The following BARD1 variants were observed in gnomAD, a reference collection of about 807,000 sequenced individuals.
BARD1 encodes BRCA1-associated RING domain protein 1.
BARD1 carries 73 observed loss-of-function variants against 77.0 expected under a neutral mutation model. The observed-to-expected ratio is 0.95, with a 90% CI of 0.79 to 1.15. The LOEUF (loss-of-function observed/expected upper bound fraction) is 1.15, where lower values mean the gene tolerates loss of function less well. BARD1 is among the 50% of genes most tolerant of loss of function. The pLI, the probability that BARD1 is intolerant of heterozygous loss-of-function variation, is 0.00. For missense variants in BARD1, 993 were observed against 938.8 expected, an observed-to-expected ratio of 1.06 and a Z score of -0.75; for synonymous variants, 384 against 338.0, an observed-to-expected ratio of 1.14 and a Z score of -1.49.
chr2:214,808,727 T>C (rs1696400816), intron 1 of BARD1, among the ~76,000 whole-genome samples: 1 of 152,160 alleles, frequency 6.6e-6, no homozygotes, highest in African/African-American at 2.4e-5. Flanking sequence ...GAAAATGTCT[T>C]TGGACGGAAT....
intron 9 of BARD1, among the ~76,000 whole-genome samples, chr2:214,733,953 G>A (rs1219351519): frequency 2.6e-5 from 4 of 152,072 alleles, no homozygotes; most frequent in Admixed American, 6.5e-5. Context: ...GAGAAGATTC[G>A]TTTTTCAGAT....
rs1692106084 is a variant in BARD1, at chr2:214,726,862, TGAATGAC to T, written c.*1807_*1813del. ...AGGGAGGGGTGATAAACCAAGAAAATGAATGACAAAAACTAAGAGACCTCATAGGTGT... is the reference window on the plus strand; with the variant it reads ...AGGGAGGGGTGATAAACCAAGAAAATAAAAACTAAGAGACCTCATAGGTGT... On this transcript the variant is annotated 3_prime_UTR_variant, in exon 11 of 11. Coordinates refer to ENST00000260947, the MANE Select transcript of BARD1 (RefSeq NM_000465.4). The T allele has an allele frequency of 4.4e-6, 1 of 228,330 alleles. No individual in the cohort carries two copies. The highest frequency in any genetic ancestry group is 1.8e-4 in the South Asian group (1 of 5,468). 14.1% of individuals were successfully genotyped at this position (228,330 alleles called of 1,614,324 possible).
At chr2:214,752,665 T>TAGG in intron 6 of BARD1, 110 bp from the exon 7 acceptor site, 1 of 802,670 alleles carries the variant, frequency 1.2e-6, no homozygotes, top group East Asian at 2.7e-5. Flanking sequence ...TACTCAGAAC[T>TAGG]CATATTAGGC....
At chr2:214,743,528 C>G (rs1559384646) in intron 9 of BARD1, among the ~76,000 whole-genome samples, 1 of 152,182 alleles carries the variant, frequency 6.6e-6, no homozygotes, top group Non-Finnish European at 1.5e-5. Flanking sequence ...ACCGCTATAA[C>G]ATAATACCAA....
chr2:214,758,545 G>T (rs2106053579), intron 6 of BARD1, among the ~76,000 whole-genome samples: 1 of 152,240 alleles, frequency 6.6e-6, no homozygotes, highest in African/African-American at 2.4e-5. Flanking sequence ...TTTACTAAGG[G>T]AAAGTATAGA....
intron 1 of BARD1, among the ~76,000 whole-genome samples, chr2:214,808,508 A>C (rs1160118397): frequency 6.6e-6 from 1 of 152,248 alleles, no homozygotes; most frequent in East Asian, 1.9e-4. Flanking sequence ...AAAGTCCAAA[A>C]AGGATATAAA....
Position 214,726,592 on chromosome 2 carries a change from CA to C in BARD1, c.*2083del, listed in dbSNP as rs754007337. 3.9e-5 allele frequency: 9 copies of C among 229,492 alleles called. No homozygotes were observed. In the South Asian group the frequency reaches 1.6e-3, roughly 42 times the overall value. The allele number at this position is 229,492 out of a possible 1,614,324, so 14.2% of individuals were successfully genotyped here. ...CCAAGTCATGTTGAGCCTCATTCAA[CA>C]GCACAGAATAAGCCAATTTTATACA... On this transcript the variant is annotated 3_prime_UTR_variant, in exon 11 of 11. Transcript: ENST00000260947.
intron 6 of BARD1, 35 bp downstream of exon 6, chr2:214,767,447 C>A (rs2106075944): frequency 6.3e-7 from 1 of 1,594,792 alleles, no homozygotes; most frequent in Non-Finnish European, 8.6e-7. Context: ...AATATAGGTC[C>A]ATTTTAAAAA....
intron 9 of BARD1, among the ~76,000 whole-genome samples, chr2:214,742,140 T>A (rs1323821076): frequency 6.6e-6 from 1 of 152,208 alleles, no homozygotes; most frequent in Non-Finnish European, 1.5e-5. Flanking sequence ...AAGTCATAAA[T>A]CTTTAAAATT....
chr2:214,768,257 C>T (rs572330243), intron 5 of BARD1, among the ~76,000 whole-genome samples: 1 of 151,262 alleles, frequency 6.6e-6, no homozygotes, highest in East Asian at 1.9e-4. Context: ...ATAAACAATG[C>T]TGTATTCTAA....
At chr2:214,767,405 A>G (rs920698464) in intron 6 of BARD1, 77 bp downstream of exon 6, 65 of 1,421,970 alleles carry the variant, frequency 4.6e-5, no homozygotes, top group Non-Finnish European at 5.7e-5. Context: ...TGACTATTTT[A>G]AAGTCTGCTT....
rs1016845338 is a variant in BARD1, at chr2:214,780,865, T to C, written c.1009A>G (p.Arg337Gly). Reference sequence around the variant, plus strand: ...CCACTGGTGCTCAGAATGCTGGTTCTACATCTCTTAGAAATGGGACTGGAA... The same window carrying C: ...CCACTGGTGCTCAGAATGCTGGTTCCACATCTCTTAGAAATGGGACTGGAA... ...RLSSPISKRC[R>G]TSILSTSGDF... Residue 337 changes from arginine (R) to glycine (G), a missense_variant, in exon 4 of 11, where the codon AGA becomes GGA. Coordinates refer to ENST00000260947, the MANE Select transcript of BARD1 (RefSeq NM_000465.4). 5 of 1,614,024 alleles carry C rather than the reference T, an allele frequency of 3.1e-6. No individual in the cohort carries two copies. In the African/African-American group the frequency reaches 4.0e-5, roughly 13 times the overall value.
chr2:214,728,922 A>G lies in BARD1; in HGVS notation c.2088T>C (p.Thr696=). 1 of 1,614,194 alleles carries G rather than the reference A, an allele frequency of 6.2e-7. No homozygotes were observed. Among genetic ancestry groups the G allele is most frequent in the Non-Finnish European group, 8.5e-7 (1 of 1,180,028 alleles). The change falls in exon 11 of 11, where the codon ACT becomes ACC. Residue 696 remains threonine (T), a synonymous_variant. Transcript: ENST00000260947. The part of the protein sequence containing the change: ...HPKDNLIKLV[T]AGGGQILSRK... ...TACTGAGGATCTGGCCCCCACCTGC[A>G]GTGACGAGCTTAATAAGGTTGTCCT...
At chr2:214,779,287 T>C (rs550505596) in intron 4 of BARD1, among the ~76,000 whole-genome samples, 48 of 152,264 alleles carry the variant, frequency 3.2e-4, no homozygotes, top group African/African-American at 1.1e-3. Flanking sequence ...TATTTGCAAA[T>C]AACCTACAGA....
intron 1 of BARD1, among the ~76,000 whole-genome samples, chr2:214,797,405 A>C (rs903181782): frequency 6.6e-6 from 1 of 152,226 alleles, no homozygotes; most frequent in Non-Finnish European, 1.5e-5. Context: ...AAGTATCTCT[A>C]AACCTCTTAA....
intron 4 of BARD1, among the ~76,000 whole-genome samples, chr2:214,771,237 A>T (rs1694470787): frequency 6.6e-6 from 1 of 152,168 alleles, no homozygotes; most frequent in East Asian, 1.9e-4. Flanking sequence ...AAAAAAGACC[A>T]AATAAAAAGC....
At chr2:214,801,878 A>T (rs6722251) in intron 1 of BARD1, among the ~76,000 whole-genome samples, 71 of 140,824 alleles carry the variant, frequency 5.0e-4, no homozygotes, top group South Asian at 2.2e-3. Flanking sequence ...TGTTTTTTTT[A>T]AAACAAGATC....
chr2:214,741,097 C>CCT (rs1362773501), intron 9 of BARD1, among the ~76,000 whole-genome samples: 1 of 152,062 alleles, frequency 6.6e-6, no homozygotes, highest in Non-Finnish European at 1.5e-5. Flanking sequence ...GTCCATCTCT[C>CCT]CTCAGCTAAA....
chr2:214,737,324 C>T (rs926505213), intron 9 of BARD1, among the ~76,000 whole-genome samples: 4 of 152,118 alleles, frequency 2.6e-5, no homozygotes, highest in Non-Finnish European at 5.9e-5. Flanking sequence ...GTCTAATCAA[C>T]CTCTTTTATA....
Sources: gnomAD v4.1 joint callset for allele counts (sites outside exome capture counted in the v4.1 genomes callset) on GRCh38, gnomAD v4.1.1 for gene constraint, MANE v1.5 for transcripts, NCBI Gene and HGNC (gene_info 2026-07-23, HGNC 2026-07-21) for gene names.